Variants in ZMYND11 observed in about 807,000 individuals in gnomAD.
The protein encoded by ZMYND11 is zinc finger MYND domain-containing protein 11.
In ZMYND11, 9 loss-of-function variants were observed where a neutral mutation model predicts 84.9. That is an observed-to-expected ratio of 0.11 (90% CI 0.06 to 0.18). The LOEUF is 0.18. Among genes scored for constraint, ZMYND11 ranks in the 10% least tolerant of loss-of-function variants. The pLI is 1.00. For synonymous variants in ZMYND11, 250 were observed against 244.1 expected, an observed-to-expected ratio of 1.02 and a Z score of -0.23; for missense variants, 409 against 761.0, an observed-to-expected ratio of 0.54 and a Z score of 5.44.
intron 1 of ZMYND11, among the ~76,000 whole-genome samples, chr10:164,202 TC>T (rs1843500672): frequency 6.6e-6 from 1 of 152,166 alleles, no homozygotes; most frequent in African/African-American, 2.4e-5. Context: ...TTTTCATAGT[TC>T]TGTTTACCTC....
chr10:183,218 T>C lies in ZMYND11; in HGVS notation c.116+3090T>C, dbSNP rs576186811. Among the ~76,000 whole-genome samples the C allele has an allele frequency of 3.3e-5, 5 of 151,788 alleles. No homozygotes were observed. In the South Asian group the frequency reaches 1.0e-3, roughly 32 times the overall value. On this transcript the variant is annotated intron_variant, in intron 2 of 14. Transcript: ENST00000381604. Reference sequence around the variant, plus strand: ...ATCTCTAGGTTTCTCTTCTTTTTTGTTGTTGGTTTTTTTTTTTTTTTGGAA... The same window carrying C: ...ATCTCTAGGTTTCTCTTCTTTTTTGCTGTTGGTTTTTTTTTTTTTTTGGAA...
intron 2 of ZMYND11, among the ~76,000 whole-genome samples, chr10:199,125 C>T (rs2131051036): frequency 6.6e-6 from 1 of 152,250 alleles, no homozygotes; most frequent in African/African-American, 2.4e-5. Flanking sequence ...TTGGCAGATG[C>T]TGCTAAATGA....
At chr10:204,348 ATTTC>A (rs1943766382) in intron 2 of ZMYND11, among the ~76,000 whole-genome samples, 1 of 152,066 alleles carries the variant, frequency 6.6e-6, no homozygotes, top group Non-Finnish European at 1.5e-5. Flanking sequence ...TTGTCATTCT[ATTTC>A]TTCCTGGAAA....
At chr10:210,327 C>T (rs1359071197) in intron 3 of ZMYND11, among the ~76,000 whole-genome samples, 1 of 152,144 alleles carries the variant, frequency 6.6e-6, no homozygotes, top group Non-Finnish European at 1.5e-5. Context: ...TCATGGCATT[C>T]CTAAGTGTTT....
At chr10:201,600 A>ACACACACACACG (rs1943164581) in intron 2 of ZMYND11, among the ~76,000 whole-genome samples, 1 of 150,144 alleles carries the variant, frequency 6.7e-6, no homozygotes, top group African/African-American at 2.4e-5. Context: ...ACACACACAC[A>ACACACACACACG]CACACATTAT....
rs1051830747 is a variant in ZMYND11, at chr10:204,990, A to C, written c.117-4899A>C. On this transcript the variant is annotated intron_variant, in intron 2 of 14. Transcript: ENST00000381604. The stretch of plus-strand genomic sequence containing the variant: ...CTATGCTGTTTTGTGGGGTTTTCTT[A>C]CCATTACATGCTAGATTCCTTGCTT... Among the ~76,000 whole-genome samples the C allele has an allele frequency of 2.6e-5, 4 of 152,068 alleles. No individual in the cohort carries two copies. The South Asian group carries it at 8.3e-4, about 32-fold the overall frequency.
chr10:236,818 T>A lies in ZMYND11; in HGVS notation c.439-20T>A, dbSNP rs1450594659. 2 of 1,597,224 alleles carry A rather than the reference T, an allele frequency of 1.3e-6. No homozygotes were observed. The highest frequency in any genetic ancestry group is 8.6e-7 in the Non-Finnish European group (1 of 1,168,670). ...AATGATCAGATTTTGTACCTTTTTT[T>A]ATTCTTTTTTTTTCAATAGAGCATT... On this transcript the variant is annotated intron_variant, in intron 4 of 14. Transcript: ENST00000381604.
At chr10:151,351 A>G (rs782166723) in intron 1 of ZMYND11, among the ~76,000 whole-genome samples, 5 of 152,234 alleles carry the variant, frequency 3.3e-5, no homozygotes, top group Non-Finnish European at 7.3e-5. Context: ...TAGAATAACC[A>G]GTGTAGAGAA....
intron 1 of ZMYND11, among the ~76,000 whole-genome samples, chr10:165,679 A>G (rs995802960): frequency 6.6e-6 from 1 of 152,060 alleles, no homozygotes; most frequent in Non-Finnish European, 1.5e-5. Flanking sequence ...CCTTCTTCCT[A>G]GTCCAAAATT....
chr10:223,670 T>A (rs1947557853), intron 4 of ZMYND11, among the ~76,000 whole-genome samples: 1 of 152,202 alleles, frequency 6.6e-6, no homozygotes, highest in South Asian at 2.1e-4. Context: ...AGATCCATTC[T>A]ATTGTTTTAT....
At chr10:228,045 C>A (rs911542552) in intron 4 of ZMYND11, among the ~76,000 whole-genome samples, 3 of 152,068 alleles carry the variant, frequency 2.0e-5, no homozygotes, top group African/African-American at 7.2e-5. Flanking sequence ...TGTGTCTGAG[C>A]CACGCACTTT....
chr10:235,358 T>C (rs896695327), intron 4 of ZMYND11, among the ~76,000 whole-genome samples: 9 of 152,046 alleles, frequency 5.9e-5, no homozygotes, highest in Non-Finnish European at 1.3e-4. Flanking sequence ...GTTAAGTTCT[T>C]CTGTTAGTTT....
chr10:204,647 T>A (rs1489835476), intron 2 of ZMYND11, among the ~76,000 whole-genome samples: 1 of 152,152 alleles, frequency 6.6e-6, no homozygotes, highest in East Asian at 1.9e-4. Flanking sequence ...ACCACAGACA[T>A]CTTTGAATAT....
At chr10:248,277 C>T (rs199882250) in intron 12 of ZMYND11, 59 bp from the exon 13 acceptor site, 1 of 1,568,558 alleles carries the variant, frequency 6.4e-7, no homozygotes, top group Non-Finnish European at 8.6e-7. Context: ...TGGGGTAGTT[C>T]TTGAACTGGT....
At chr10:227,895 A>C (rs1217955696) in intron 4 of ZMYND11, among the ~76,000 whole-genome samples, 1 of 152,224 alleles carries the variant, frequency 6.6e-6, no homozygotes, top group East Asian at 1.9e-4. Flanking sequence ...TTAAATAAGT[A>C]GAGATTGAAG....
intron 2 of ZMYND11, among the ~76,000 whole-genome samples, chr10:208,133 T>C (rs911627591): frequency 4.6e-5 from 7 of 152,140 alleles, no homozygotes; most frequent in African/African-American, 7.2e-5. Context: ...TTACACCTTA[T>C]ACAAAAATTA....
chr10:191,678 A>G (rs1003590357), intron 2 of ZMYND11, among the ~76,000 whole-genome samples: 1 of 152,242 alleles, frequency 6.6e-6, no homozygotes, highest in Admixed American at 6.5e-5. Flanking sequence ...TTCTAAAAGT[A>G]ACATAAATAT....
intron 3 of ZMYND11, among the ~76,000 whole-genome samples, chr10:215,680 C>T (rs908801272): frequency 1.3e-5 from 2 of 151,930 alleles, no homozygotes; most frequent in African/African-American, 4.8e-5. Context: ...GCCTCACCCT[C>T]CGAAGTAGCT....
intron 9 of ZMYND11, 85 bp downstream of exon 9, chr10:241,055 C>T (rs543279112): frequency 8.9e-7 from 1 of 1,120,956 alleles, no homozygotes; most frequent in African/African-American, 1.6e-5. Context: ...TAATTTTCTT[C>T]CTAAATTTTT....
Sources: gnomAD v4.1 joint callset for allele counts (sites outside exome capture counted in the v4.1 genomes callset) on GRCh38, gnomAD v4.1.1 for gene constraint, MANE v1.5 for transcripts, NCBI Gene and HGNC (gene_info 2026-07-23, HGNC 2026-07-21) for gene names.